The following FRMD5 variants were observed in gnomAD, a reference collection of about 807,000 sequenced individuals.
FRMD5 encodes FERM domain containing 5.
In FRMD5, 20 loss-of-function variants were observed where a neutral mutation model predicts 69.0. That is an observed-to-expected ratio of 0.29 (90% CI 0.20 to 0.42). FRMD5 has a LOEUF of 0.42. Ranked by LOEUF, FRMD5 falls within the 10% of genes least tolerant of loss-of-function variation. The pLI is 1.00. For synonymous variants in FRMD5, 271 were observed against 260.1 expected (o/e 1.04, Z -0.40); for missense variants, 595 against 708.6 (o/e 0.84, Z 1.82).
intron 13 of FRMD5, among the ~76,000 whole-genome samples, chr15:43,880,653 A>C (rs1476493204): frequency 6.6e-6 from 1 of 152,200 alleles, no homozygotes; most frequent in African/African-American, 2.4e-5. Flanking sequence ...GCTGTCCTGC[A>C]TCTAATGGGT....
At chr15:43,895,182 C>T (rs558577498) in intron 7 of FRMD5, among the ~76,000 whole-genome samples, 6 of 152,122 alleles carry the variant, frequency 3.9e-5, no homozygotes, top group Non-Finnish European at 5.9e-5. Flanking sequence ...TACTATTTTT[C>T]CTGATGTTGA....
In FRMD5 at chr15:44,028,082, AT is replaced by A. The variant is rs1891517349; in HGVS notation, c.103-103774del. On this transcript the variant is annotated intron_variant, in intron 1 of 13. Coordinates refer to ENST00000417257, the MANE Select transcript of FRMD5 (RefSeq NM_032892.5). ...GTACTCCTCTCATAGGAGGTGTTGC[AT>A]ATCACACGGAAAAGGAAGGGAGAAT... 2.0e-5 allele frequency among the ~76,000 whole-genome samples: 3 copies of A among 152,236 alleles called. 1 individual carries two copies. In the South Asian group the frequency reaches 6.2e-4, roughly 31 times the overall value.
At chr15:44,027,387 T>A (rs1048557646) in intron 1 of FRMD5, among the ~76,000 whole-genome samples, 7 of 152,198 alleles carry the variant, frequency 4.6e-5, no homozygotes, top group Non-Finnish European at 8.8e-5. Context: ...CCTCTTGTTA[T>A]GTAACATGGA....
chr15:43,879,750 C>G (rs1322557555), intron 13 of FRMD5: 9 of 398,324 alleles, frequency 2.3e-5, no homozygotes, highest in South Asian at 1.4e-4. Flanking sequence ...GGGAGAGATA[C>G]AGAGAGGCAA....
chr15:44,141,019 T>C (rs1566967656), intron 1 of FRMD5, among the ~76,000 whole-genome samples: 1 of 148,348 alleles, frequency 6.7e-6, no homozygotes, highest in African/African-American at 2.5e-5. Context: ...ACTTAGAAAA[T>C]GTAATTTTTT....
rs560240846 is a variant in FRMD5, at chr15:44,006,791, A to G, written c.103-82482T>C. On this transcript the variant is annotated intron_variant, in intron 1 of 13. Coordinates refer to ENST00000417257, the MANE Select transcript of FRMD5 (RefSeq NM_032892.5). ...CAAGATCTTATGGATGAGCAGAGAA[A>G]GTGGTTTCTTGAGATGGAAACTACT... is the stretch of plus-strand genomic sequence containing the variant. 2.6e-5 allele frequency among the ~76,000 whole-genome samples: 4 copies of G among 152,360 alleles called. No homozygotes were observed. The East Asian group carries it at 7.7e-4, about 29-fold the overall frequency.
intron 1 of FRMD5, among the ~76,000 whole-genome samples, chr15:43,933,648 A>T (rs1176624979): frequency 1.3e-5 from 2 of 152,220 alleles, no homozygotes; most frequent in African/African-American, 2.4e-5. Flanking sequence ...CCACGTTTTC[A>T]TATAACAAGA....
At chr15:43,922,646 G>C (rs938474827) in intron 2 of FRMD5, among the ~76,000 whole-genome samples, 1 of 149,894 alleles carries the variant, frequency 6.7e-6, no homozygotes, top group African/African-American at 2.5e-5. Flanking sequence ...GGGATGAAGA[G>C]ATCTTGGAGT....
intron 5 of FRMD5, among the ~76,000 whole-genome samples, chr15:43,906,678 T>G (rs1427770035): frequency 6.6e-6 from 1 of 151,554 alleles, no homozygotes; most frequent in African/African-American, 2.4e-5. Context: ...CTTGGCTCAC[T>G]GCAAGCTCCG....
intron 1 of FRMD5, among the ~76,000 whole-genome samples, chr15:44,015,515 G>A (rs1890918056): frequency 6.6e-6 from 1 of 152,066 alleles, no homozygotes; most frequent in African/African-American, 2.4e-5. Flanking sequence ...TTTTGACAGT[G>A]TTGCTCTAAG....
chr15:44,183,001 T>C (rs1406418696), intron 1 of FRMD5, among the ~76,000 whole-genome samples: 1 of 151,516 alleles, frequency 6.6e-6, no homozygotes, highest in Non-Finnish European at 1.5e-5. Flanking sequence ...GATTTCACCA[T>C]GTTAGCCAGG....
At chr15:44,017,396 G>T (rs1165152349) in intron 1 of FRMD5, among the ~76,000 whole-genome samples, 1 of 151,430 alleles carries the variant, frequency 6.6e-6, no homozygotes, top group Admixed American at 6.6e-5. Flanking sequence ...GAATTTTTGA[G>T]ATCAAATGAG....
intron 1 of FRMD5, among the ~76,000 whole-genome samples, chr15:44,038,520 C>CTT (rs71111834): frequency 4.7e-5 from 3 of 63,194 alleles, no homozygotes; most frequent in East Asian, 6.8e-4. Context: ...CTAGCCAGAG[C>CTT]TTTTTTTTTT....
At chr15:44,037,455 C>T (rs1226730019) in intron 1 of FRMD5, among the ~76,000 whole-genome samples, 1 of 150,748 alleles carries the variant, frequency 6.6e-6, no homozygotes, top group African/African-American at 2.4e-5. Flanking sequence ...CATACGTGTA[C>T]ATGTGTCTTT....
At chr15:44,068,816 T>C (rs565625042) in intron 1 of FRMD5, among the ~76,000 whole-genome samples, 1 of 152,280 alleles carries the variant, frequency 6.6e-6, no homozygotes, top group South Asian at 2.1e-4. Context: ...TCCAGATCTA[T>C]TCAGAATGGA....
intron 1 of FRMD5, among the ~76,000 whole-genome samples, chr15:43,939,734 GT>G (rs898460936): frequency 1.3e-5 from 2 of 151,932 alleles, no homozygotes; most frequent in African/African-American, 4.8e-5. Context: ...ATGTTGGTTT[GT>G]TTTTTTGTAG....
At chr15:43,965,736 C>T (rs1371469840) in intron 1 of FRMD5, among the ~76,000 whole-genome samples, 1 of 151,966 alleles carries the variant, frequency 6.6e-6, no homozygotes, top group Non-Finnish European at 1.5e-5. Flanking sequence ...CATGCACCAC[C>T]ACACCCAGCT....
At chr15:43,950,668 C>A (rs943403630) in intron 1 of FRMD5, among the ~76,000 whole-genome samples, 2 of 152,176 alleles carry the variant, frequency 1.3e-5, no homozygotes, top group Non-Finnish European at 2.9e-5. Flanking sequence ...GTGAGCTCAG[C>A]TTGGGACCTG....
In FRMD5 at chr15:43,873,757, T is replaced by C; in HGVS notation, c.*128A>G. On this transcript the variant is annotated 3_prime_UTR_variant, in exon 14 of 14. Transcript: ENST00000417257. ...TGGGAAACACCCTCCTAGGCTGCAG[T>C]GGACTTTGAGTCATGAGAGGAGGAC... The C allele has an allele frequency of 6.5e-7, 1 of 1,530,330 alleles. No individual in the cohort carries two copies. The highest frequency in any genetic ancestry group is 1.2e-5 in the South Asian group (1 of 81,904). 94.8% of individuals were successfully genotyped at this position (1,530,330 alleles called of 1,614,324 possible).
Sources: allele counts gnomAD v4.1 joint callset (sites outside exome capture counted in the v4.1 genomes callset), GRCh38; gene constraint gnomAD v4.1.1; transcripts MANE v1.5; gene names NCBI Gene and HGNC (gene_info 2026-07-23, HGNC 2026-07-21).